The following DEPDC1B variants were observed in gnomAD, a reference collection of about 807,000 sequenced individuals.
DEPDC1B encodes the protein DEP domain-containing protein 1B.
In DEPDC1B, 51 loss-of-function variants were observed where a neutral mutation model predicts 66.5. The ratio of observed to expected loss-of-function variants is 0.77; its 90% confidence interval spans 0.61 to 0.97. The LOEUF (loss-of-function observed/expected upper bound fraction) is 0.97. DEPDC1B is among the 50% of genes least tolerant of loss of function. DEPDC1B has a pLI of 0.00. For missense variants in DEPDC1B, 552 were observed against 637.1 expected (o/e 0.87, Z 1.44); for synonymous variants, 226 against 223.6 (o/e 1.01, Z -0.10).
chr5:60,603,385 C>T lies in DEPDC1B; in HGVS notation c.1242+6G>A. 6.4e-7 allele frequency: 1 copy of T among 1,554,430 alleles called. No homozygotes were observed. The highest frequency in any genetic ancestry group is 8.6e-7 in the Non-Finnish European group (1 of 1,158,280). ...TTCATAGAACTGATAATATCCTCTCCTTTACCTGGACTCTTCGTAGATGAG... is the reference window on the plus strand; with the variant it reads ...TTCATAGAACTGATAATATCCTCTCTTTTACCTGGACTCTTCGTAGATGAG... On this transcript the variant is annotated splice_donor_region_variant and intron_variant, in intron 9 of 10. Coordinates refer to ENST00000265036, the MANE Select transcript of DEPDC1B (RefSeq NM_018369.3).
At chr5:60,638,720 T>G in intron 7 of DEPDC1B, 30 bp downstream of exon 7, 1 of 1,567,268 alleles carries the variant, frequency 6.4e-7, no homozygotes. Flanking sequence ...ATCAGTGATG[T>G]AGATATATGT....
chr5:60,642,068 C>A (rs1388801839), intron 6 of DEPDC1B, among the ~76,000 whole-genome samples: 2 of 152,126 alleles, frequency 1.3e-5, no homozygotes, highest in Non-Finnish European at 2.9e-5. Context: ...TTCAGTTAAA[C>A]CCATGTTTTA....
chr5:60,616,143 C>T (rs1297241198), intron 7 of DEPDC1B, among the ~76,000 whole-genome samples: 1 of 152,090 alleles, frequency 6.6e-6, no homozygotes, highest in Non-Finnish European at 1.5e-5. Flanking sequence ...CCCATCTGTA[C>T]GTCACCATCA....
At chr5:60,619,687 T>C (rs558916024) in intron 7 of DEPDC1B, among the ~76,000 whole-genome samples, 1 of 152,120 alleles carries the variant, frequency 6.6e-6, no homozygotes, top group African/African-American at 2.4e-5. Context: ...GTAGGAAGAA[T>C]CAATATTGTG....
chr5:60,679,037 A>C (rs533992542), intron 2 of DEPDC1B, among the ~76,000 whole-genome samples: 2 of 152,194 alleles, frequency 1.3e-5, no homozygotes, highest in South Asian at 4.1e-4. Context: ...TAAATCTATG[A>C]TCCACTTTGA....
intron 7 of DEPDC1B, among the ~76,000 whole-genome samples, chr5:60,612,160 T>C (rs1752425866): frequency 6.6e-6 from 1 of 152,154 alleles, no homozygotes; most frequent in Admixed American, 6.5e-5. Context: ...CAGTGGCTTA[T>C]GCCTGTAATC....
At chr5:60,625,324 C>T (rs1752788477) in intron 7 of DEPDC1B, among the ~76,000 whole-genome samples, 1 of 152,272 alleles carries the variant, frequency 6.6e-6, no homozygotes, top group South Asian at 2.1e-4. Context: ...TTGCCACTGT[C>T]TTCCACAATG....
chr5:60,668,507 C>G (rs1753955966), intron 2 of DEPDC1B, among the ~76,000 whole-genome samples: 1 of 151,690 alleles, frequency 6.6e-6, no homozygotes, highest in African/African-American at 2.4e-5. Context: ...ACTCCTGGCC[C>G]TCAGGTGATC....
In DEPDC1B at chr5:60,667,589, T is replaced by TATA. The variant is rs1554054873; in HGVS notation, c.314+19372_314+19373insTAT. Among the ~76,000 whole-genome samples, 65 of 137,830 alleles carry TATA rather than the reference T, an allele frequency of 4.7e-4. 2 individuals are homozygous for TATA. The highest frequency in any genetic ancestry group is 1.7e-3 in the African/African-American group (59 of 34,454). 90.4% of individuals were successfully genotyped at this position (137,830 alleles called of 152,430 possible). On this transcript the variant is annotated intron_variant, in intron 2 of 10. Transcript: ENST00000265036. ...TAAAAAAGTGGATATTTTACATATATAAAAATGGATATTTTACATATATAT... is the reference window on the plus strand; with the variant it reads ...TAAAAAAGTGGATATTTTACATATATATAAAAAATGGATATTTTACATATATAT...
chr5:60,628,050 C>T (rs946526872), intron 7 of DEPDC1B, among the ~76,000 whole-genome samples: 16 of 152,266 alleles, frequency 1.1e-4, no homozygotes, highest in Admixed American at 1.0e-3. Flanking sequence ...TGCAATCAAT[C>T]TGAGACTTTT....
intron 2 of DEPDC1B, among the ~76,000 whole-genome samples, chr5:60,680,698 G>C (rs1561390572): frequency 2.0e-5 from 3 of 152,096 alleles, no homozygotes; most frequent in East Asian, 3.9e-4. Flanking sequence ...TTCTTTATTT[G>C]AGAAGAACTT....
At chr5:60,604,126 T>C (rs73759361) in intron 8 of DEPDC1B, among the ~76,000 whole-genome samples, 2,827 of 151,172 alleles carry the variant, frequency 0.019, 107 homozygotes, top group African/African-American at 0.065. Context: ...AAGAAGTACA[T>C]TAAGTGATGA....
intron 7 of DEPDC1B, among the ~76,000 whole-genome samples, chr5:60,610,172 T>C (rs965529412): frequency 1.3e-5 from 2 of 152,230 alleles, no homozygotes; most frequent in Non-Finnish European, 1.5e-5. Flanking sequence ...GAATGAAGGA[T>C]AAGAATGACC....
intron 7 of DEPDC1B, among the ~76,000 whole-genome samples, chr5:60,631,831 GA>G (rs1240972611): frequency 2.6e-5 from 4 of 152,202 alleles, no homozygotes; most frequent in Admixed American, 1.3e-4. Context: ...TAGGATCACA[GA>G]GTTCATCCAC....
rs144182021 is a variant in DEPDC1B at position 60,651,356 on chromosome 5, C to T, written c.315-3823G>A. Reference sequence around the variant, plus strand: ...CAGCCTGGCCAACATCGTGAAATCTCGTCTCTACTAAAAATACAAAAATTA... The same window carrying T: ...CAGCCTGGCCAACATCGTGAAATCTTGTCTCTACTAAAAATACAAAAATTA... On this transcript the variant is annotated intron_variant, in intron 2 of 10. Coordinates refer to ENST00000265036, the MANE Select transcript of DEPDC1B (RefSeq NM_018369.3). Among the ~76,000 whole-genome samples, 1,179 of 152,040 alleles carry T rather than the reference C, an allele frequency of 7.8e-3. 16 individuals carry two copies. Among genetic ancestry groups the T allele is most frequent in the African/African-American group, 0.027 (1,101 of 41,474 alleles).
intron 9 of DEPDC1B, 114 bp from the exon 10 acceptor site, chr5:60,599,374 T>G (rs1752158435): frequency 1.5e-6 from 1 of 686,446 alleles, no homozygotes; most frequent in African/African-American, 1.9e-5. Context: ...GCCATGTTAG[T>G]CCTCAAAATT....
chr5:60,668,000 TAAA>T (rs1753916812), intron 2 of DEPDC1B, among the ~76,000 whole-genome samples: 1 of 111,286 alleles, frequency 9.0e-6, no homozygotes, highest in African/African-American at 4.2e-5. Context: ...ATTATATATA[TAAA>T]ATGGATATTT....
intron 2 of DEPDC1B, among the ~76,000 whole-genome samples, chr5:60,659,043 T>C (rs1391733113): frequency 6.6e-6 from 1 of 152,162 alleles, no homozygotes; most frequent in African/African-American, 2.4e-5. Context: ...TTCGTCCTAA[T>C]TGAGCTGAAC....
chr5:60,649,387 T>C (rs1753391108), intron 2 of DEPDC1B, among the ~76,000 whole-genome samples: 1 of 152,152 alleles, frequency 6.6e-6, no homozygotes, highest in Non-Finnish European at 1.5e-5. Context: ...TCCTCCACAC[T>C]AAGAAGATGA....
Sources: allele counts gnomAD v4.1 joint callset (sites outside exome capture counted in the v4.1 genomes callset), GRCh38; gene constraint gnomAD v4.1.1; transcripts MANE v1.5; gene names NCBI Gene and HGNC (gene_info 2026-07-23, HGNC 2026-07-21).